The following TUT7 variants were observed in gnomAD, a reference collection of about 807,000 sequenced individuals.
The protein encoded by TUT7 is terminal uridylyltransferase 7.
In TUT7, 33 loss-of-function variants were observed where a neutral mutation model predicts 165.9. The observed-to-expected ratio is 0.20, with a 90% CI of 0.15 to 0.27. The LOEUF is 0.27. Ranked by LOEUF, TUT7 falls within the 10% of genes least tolerant of loss-of-function variation. TUT7 has a pLI of 1.00. For missense variants in TUT7, 1,338 were observed against 1,762.3 expected, an observed-to-expected ratio of 0.76 and a Z score of 4.31; for synonymous variants, 552 against 608.1, an observed-to-expected ratio of 0.91 and a Z score of 1.36.
At chr9:86,351,914 T>C (rs1345327914) in intron 2 of TUT7, among the ~76,000 whole-genome samples, 2 of 152,192 alleles carry the variant, frequency 1.3e-5, no homozygotes, top group South Asian at 2.1e-4. Context: ...TCCCATTAGA[T>C]AAAAATAACC....
intron 26 of TUT7, 70 bp from the exon 27 acceptor site, chr9:86,288,814 A>C (rs1378918465): frequency 8.1e-7 from 1 of 1,228,444 alleles, no homozygotes; most frequent in Non-Finnish European, 1.2e-6. Flanking sequence ...AAGCCATAAA[A>C]TTACTTCTTA....
intron 26 of TUT7, among the ~76,000 whole-genome samples, chr9:86,294,633 A>C (rs953995559): frequency 3.3e-5 from 5 of 151,928 alleles, no homozygotes; most frequent in Non-Finnish European, 5.9e-5. Context: ...TCACGCAGTA[A>C]ATAATGTCGA....
At chr9:86,294,626 C>T (rs555659346) in intron 26 of TUT7, among the ~76,000 whole-genome samples, 5 of 151,530 alleles carry the variant, frequency 3.3e-5, no homozygotes, top group East Asian at 1.9e-4. Flanking sequence ...GTTTCATTCA[C>T]GCAGTAAATA....
intron 14 of TUT7, among the ~76,000 whole-genome samples, chr9:86,321,174 G>T (rs897750706): frequency 6.6e-6 from 1 of 150,476 alleles, no homozygotes; most frequent in Non-Finnish European, 1.5e-5. Context: ...CCAATATGGT[G>T]AAACCCCATC....
rs757908948 is a variant in TUT7, at chr9:86,301,464, A to G, written c.4232T>C (p.Ile1411Thr). Residue 1411 changes from isoleucine (I) to threonine (T), a missense_variant, in exon 26 of 27, where the codon ATA becomes ACA. Coordinates refer to ENST00000375963, the MANE Select transcript of TUT7 (RefSeq NM_024617.4). ...REVSTKEDKPIQCTPQKAKPM... is the reference protein window; with the variant it reads ...REVSTKEDKPTQCTPQKAKPM... ...CTTGGCTTTCTGAGGTGTGCACTGT[A>G]TGGGCTTATCTTCTTTTGTTGACAC... 7.4e-6 allele frequency: 12 copies of G among 1,613,968 alleles called. No homozygotes were observed. The highest frequency in any genetic ancestry group is 3.3e-5 in the Admixed American group (2 of 59,984).
chr9:86,297,278 A>G (rs1826408055), intron 26 of TUT7, among the ~76,000 whole-genome samples: 1 of 152,126 alleles, frequency 6.6e-6, no homozygotes, highest in Non-Finnish European at 1.5e-5. Flanking sequence ...CTCTCACTAT[A>G]TGCAGGCGCT....
At chr9:86,293,136 G>C (rs1826021773) in intron 26 of TUT7, among the ~76,000 whole-genome samples, 1 of 152,122 alleles carries the variant, frequency 6.6e-6, no homozygotes, top group Non-Finnish European at 1.5e-5. Flanking sequence ...CATCTGTATG[G>C]CAAACACATA....
At position 86,309,535 on chromosome 9, in the gene TUT7, C is replaced by G. The variant is rs745581008; in HGVS notation, c.3510G>C (p.Ser1170=). The G allele has an allele frequency of 2.5e-6, 4 of 1,613,386 alleles. No homozygotes were observed. Among genetic ancestry groups the G allele is most frequent in the South Asian group, 1.1e-5 (1 of 90,988 alleles). ...IGDASRGSLS[S]YAYTLMVLYF... ...ATAGCACCATAAGAGTATATGCATA[C>G]GATGATAAGCTGCCTCTAGATGCAT... Residue 1170 remains serine (S), a synonymous_variant, in exon 20 of 27, where the codon TCG becomes TCC. Transcript: ENST00000375963.
In TUT7 at chr9:86,288,494, A is replaced by ATAAGAC; in HGVS notation, c.*177_*182dup. On this transcript the variant is annotated 3_prime_UTR_variant, in exon 27 of 27. Transcript: ENST00000375963. ...TTAAATCTATGGGGATGTGTGGTAGATAAGACTATATTAAAAATTTTTCCT... is the reference window on the plus strand; with the variant it reads ...TTAAATCTATGGGGATGTGTGGTAGATAAGACTAAGACTATATTAAAAATTTTTCCT... 8.6e-6 allele frequency: 4 copies of ATAAGAC among 463,342 alleles called. No homozygotes were observed. The highest frequency in any genetic ancestry group is 1.6e-5 in the Non-Finnish European group (4 of 257,992). The allele number at this position is 463,342 out of a possible 1,614,324, so 28.7% of individuals were successfully genotyped here.
intron 10 of TUT7, among the ~76,000 whole-genome samples, chr9:86,336,132 G>C (rs1310597935): frequency 3.3e-5 from 5 of 152,188 alleles, no homozygotes; most frequent in African/African-American, 1.2e-4. Context: ...ATGGTAGTGA[G>C]CAAGGCAACT....
intron 11 of TUT7, among the ~76,000 whole-genome samples, chr9:86,327,670 C>T (rs745652907): frequency 1.3e-5 from 2 of 152,206 alleles, no homozygotes; most frequent in Non-Finnish European, 2.9e-5. Context: ...TTCTAGAAAA[C>T]ACAACTGGAA....
At chr9:86,348,098 T>G (rs909199917) in intron 2 of TUT7, among the ~76,000 whole-genome samples, 2 of 152,150 alleles carry the variant, frequency 1.3e-5, no homozygotes, top group Non-Finnish European at 1.5e-5. Flanking sequence ...GGAACCGAAT[T>G]CCTTTTTTAA....
At chr9:86,332,911 T>C (rs891036730) in intron 10 of TUT7, among the ~76,000 whole-genome samples, 2 of 152,202 alleles carry the variant, frequency 1.3e-5, no homozygotes, top group African/African-American at 4.8e-5. Flanking sequence ...TCCACATGTA[T>C]TATTTCCTCT....
At chr9:86,312,506 GC>G (rs1161944452) in intron 17 of TUT7, among the ~76,000 whole-genome samples, 1 of 147,498 alleles carries the variant, frequency 6.8e-6, no homozygotes, top group Non-Finnish European at 1.5e-5. Flanking sequence ...TCAGTCCCCC[GC>G]CCGGCCAGCT....
intron 4 of TUT7, 58 bp from the exon 5 acceptor site, chr9:86,345,212 C>T: frequency 6.6e-7 from 1 of 1,523,438 alleles, no homozygotes; most frequent in Non-Finnish European, 8.9e-7. Flanking sequence ...GACCTTCTAC[C>T]ACTCATGAAG....
chr9:86,337,235 G>A, intron 10 of TUT7, 184 bp downstream of exon 10: 1 of 674,776 alleles, frequency 1.5e-6, no homozygotes, highest in Non-Finnish European at 2.4e-6. Context: ...AGGTTATAGG[G>A]CAACATACTG....
Position 86,351,392 on chromosome 9 carries a change from C to T in TUT7, c.520+1288G>A, listed in dbSNP as rs140079837. On this transcript the variant is annotated intron_variant, in intron 2 of 26. Coordinates refer to ENST00000375963, the MANE Select transcript of TUT7 (RefSeq NM_024617.4). ...CAGAGGTTGCAGTGAGCCAAGATCG[C>T]GCCACTGTACTCCAGCCTGGGTGAC... Among the ~76,000 whole-genome samples the T allele has an allele frequency of 3.8e-3, 576 of 151,512 alleles. 5 individuals are homozygous for T. Among genetic ancestry groups the T allele is most frequent in the South Asian group, 0.019 (92 of 4,798 alleles).
chr9:86,352,441 G>T, intron 2 of TUT7: 1 of 586,628 alleles, frequency 1.7e-6, no homozygotes, highest in Non-Finnish European at 3.0e-6. Flanking sequence ...GTTTACTGAC[G>T]TAAAGTGAGC....
chr9:86,335,511 C>CA (rs1247954749), intron 10 of TUT7, among the ~76,000 whole-genome samples: 3 of 152,126 alleles, frequency 2.0e-5, no homozygotes, highest in Non-Finnish European at 4.4e-5. Flanking sequence ...TGTGAAAAGA[C>CA]AGATCAGAGA....
Sources: allele counts gnomAD v4.1 joint callset (sites outside exome capture counted in the v4.1 genomes callset), GRCh38; gene constraint gnomAD v4.1.1; transcripts MANE v1.5; gene names NCBI Gene and HGNC (gene_info 2026-07-23, HGNC 2026-07-21).